ATRNL1: variants seen among roughly 807,000 people sequenced by gnomAD.
The protein encoded by ATRNL1 is attractin-like protein 1.
ATRNL1 carries 95 observed loss-of-function variants against 182.7 expected under a neutral mutation model. The observed-to-expected ratio is 0.52, with a 90% CI of 0.44 to 0.62. ATRNL1 has a LOEUF of 0.62. Ranked by LOEUF, ATRNL1 falls within the 20% of genes least tolerant of loss-of-function variation. The pLI is 0.00. For synonymous variants in ATRNL1, 576 were observed against 568.3 expected (o/e 1.01, Z -0.19); for missense variants, 1,471 against 1,679.5 (o/e 0.88, Z 2.17).
intron 25 of ATRNL1, among the ~76,000 whole-genome samples, chr10:115,522,224 T>C (rs561912798): frequency 6.6e-6 from 1 of 152,190 alleles, no homozygotes; most frequent in South Asian, 2.1e-4. Flanking sequence ...TAAAAAGAGG[T>C]TTATTTGGCT....
intron 19 of ATRNL1, among the ~76,000 whole-genome samples, chr10:115,389,552 A>ATATATGTG (rs1554953832): frequency 1.5e-5 from 1 of 66,742 alleles, no homozygotes; most frequent in Non-Finnish European, 3.4e-5. Context: ...ATATATATAT[A>ATATATGTG]TATATATATA....
intron 26 of ATRNL1, among the ~76,000 whole-genome samples, chr10:115,599,087 G>T (rs1357222919): frequency 2.0e-5 from 3 of 152,040 alleles, no homozygotes; most frequent in African/African-American, 7.2e-5. Flanking sequence ...ATTTCATTTT[G>T]TAATACCAAG....
intron 8 of ATRNL1, among the ~76,000 whole-genome samples, chr10:115,195,593 A>G (rs1336247498): frequency 1.3e-5 from 2 of 152,050 alleles, no homozygotes; most frequent in Non-Finnish European, 2.9e-5. Context: ...TATATACTCA[A>G]ATAAGTATTT....
At chr10:115,423,024 A>G (rs899263636) in intron 20 of ATRNL1, among the ~76,000 whole-genome samples, 15 of 152,194 alleles carry the variant, frequency 9.9e-5, no homozygotes, top group African/African-American at 2.4e-4. Flanking sequence ...ATAACCTAAA[A>G]TAAAAGTTAA....
rs138229849 is a variant in ATRNL1, at chr10:115,559,756, A to G, written c.3795+10220A>G. On this transcript the variant is annotated intron_variant, in intron 26 of 28. Coordinates refer to ENST00000355044, the MANE Select transcript of ATRNL1 (RefSeq NM_207303.4). ...GAATGAAAAGGAAATCCTCAACCTG[A>G]TAAAAGGCATCTGCCAATAACCCAC... 9.5e-4 allele frequency among the ~76,000 whole-genome samples: 145 copies of G among 152,336 alleles called. 1 individual carries two copies. The highest frequency in any genetic ancestry group is 8.7e-3 in the East Asian group (45 of 5,182).
intron 8 of ATRNL1, among the ~76,000 whole-genome samples, chr10:115,200,818 G>C (rs1175516746): frequency 6.8e-6 from 1 of 146,678 alleles, no homozygotes; most frequent in Non-Finnish European, 1.5e-5. Flanking sequence ...CTTCCACAAT[G>C]GTTGAACTAG....
At chr10:115,706,488 C>T (rs1946902085) in intron 26 of ATRNL1, among the ~76,000 whole-genome samples, 1 of 151,754 alleles carries the variant, frequency 6.6e-6, no homozygotes, top group Non-Finnish European at 1.5e-5. Context: ...TGGGGGTGGG[C>T]ATTATTCAGC....
intron 25 of ATRNL1, among the ~76,000 whole-genome samples, chr10:115,537,458 C>T (rs1243600447): frequency 6.6e-6 from 1 of 152,172 alleles, no homozygotes; most frequent in Non-Finnish European, 1.5e-5. Context: ...TTTAAATCCT[C>T]TTTCCTTAAT....
At chr10:115,419,063 A>C (rs1554961407) in intron 20 of ATRNL1, among the ~76,000 whole-genome samples, 1 of 152,226 alleles carries the variant, frequency 6.6e-6, no homozygotes, top group Non-Finnish European at 1.5e-5. Context: ...AAACTATAAA[A>C]AACTACAATA....
intron 26 of ATRNL1, among the ~76,000 whole-genome samples, chr10:115,626,241 G>T (rs1858092409): frequency 6.6e-6 from 1 of 152,086 alleles, no homozygotes; most frequent in Non-Finnish European, 1.5e-5. Context: ...TAAAGCATTT[G>T]TTTTCTTTTC....
At chr10:115,660,407 G>T (rs1555037390) in intron 26 of ATRNL1, among the ~76,000 whole-genome samples, 1 of 152,092 alleles carries the variant, frequency 6.6e-6, no homozygotes, top group African/African-American at 2.4e-5. Context: ...CTAAGTGGAG[G>T]TGTGTAGTAA....
chr10:115,858,725 G>A (rs1951243139), intron 28 of ATRNL1, among the ~76,000 whole-genome samples: 2 of 152,088 alleles, frequency 1.3e-5, no homozygotes, highest in Admixed American at 1.3e-4. Flanking sequence ...GTAAGTTTGT[G>A]AGGTCCTCCA....
Position 115,129,430 on chromosome 10 carries a change from G to T in ATRNL1, c.724G>T (p.Glu242Ter). The stretch of plus-strand genomic sequence containing the variant: ...TGAATGTGATAAATACTGGAAGGGT[G>T]AAGCTTGTGATATTCCTTACTGTAA... ...YCECDKYWKG[E>*]ACDIPYCKAN... Residue 242 changes from glutamate (E) to a stop codon, truncating the protein, a stop_gained, in exon 5 of 29, where the codon GAA (glutamate) becomes TAA (stop). Transcript: ENST00000355044. LOFTEE classifies it high-confidence loss of function. The T allele has an allele frequency of 6.2e-7, 1 of 1,614,094 alleles. No individual in the cohort carries two copies.
At chr10:115,493,389 A>G (rs1389757447) in intron 24 of ATRNL1, among the ~76,000 whole-genome samples, 1 of 152,124 alleles carries the variant, frequency 6.6e-6, no homozygotes, top group African/African-American at 2.4e-5. Context: ...CTCCTGCATT[A>G]TTTCGCTTAG....
chr10:115,151,211 A>T (rs1846211189), intron 5 of ATRNL1, among the ~76,000 whole-genome samples: 1 of 152,158 alleles, frequency 6.6e-6, no homozygotes, highest in Non-Finnish European at 1.5e-5. Context: ...TAGCAGCATG[A>T]TTTATAATCC....
At chr10:115,718,637 CA>C (rs1167575916) in intron 26 of ATRNL1, among the ~76,000 whole-genome samples, 2 of 152,154 alleles carry the variant, frequency 1.3e-5, no homozygotes, top group African/African-American at 2.4e-5. Context: ...TCATCTTTGG[CA>C]AAGTCTTTAT....
intron 27 of ATRNL1, among the ~76,000 whole-genome samples, chr10:115,782,569 C>CTG: frequency 6.6e-6 from 1 of 152,282 alleles, no homozygotes; most frequent in East Asian, 1.9e-4. Flanking sequence ...TGTAAAGCAA[C>CTG]TGTGCCTATC....
intron 27 of ATRNL1, among the ~76,000 whole-genome samples, chr10:115,734,506 G>T (rs889318662): frequency 1.3e-5 from 2 of 151,712 alleles, no homozygotes; most frequent in Non-Finnish European, 2.9e-5. Flanking sequence ...TATTTTAATA[G>T]CATTTATTGA....
At chr10:115,468,079 A>G (rs1848137055) in intron 23 of ATRNL1, among the ~76,000 whole-genome samples, 1 of 150,720 alleles carries the variant, frequency 6.6e-6, no homozygotes, top group South Asian at 2.1e-4. Flanking sequence ...TGCAATTCCC[A>G]AATTTATATA....
Sources: allele counts gnomAD v4.1 joint callset (sites outside exome capture counted in the v4.1 genomes callset), GRCh38; gene constraint gnomAD v4.1.1; transcripts MANE v1.5; gene names NCBI Gene and HGNC (gene_info 2026-07-23, HGNC 2026-07-21).